The following BCAR3 variants were observed in gnomAD, a reference collection of about 807,000 sequenced individuals.
BCAR3 encodes breast cancer anti-estrogen resistance protein 3.
In BCAR3, 37 loss-of-function variants were observed where a neutral mutation model predicts 80.1. The ratio of observed to expected loss-of-function variants is 0.46; its 90% confidence interval spans 0.36 to 0.61. BCAR3 has a LOEUF of 0.61. Ranked by LOEUF, BCAR3 falls within the 20% of genes least tolerant of loss-of-function variation. The probability of loss-of-function intolerance (pLI) is 0.00; values close to 1 mark genes in which losing one functional copy is unlikely to be tolerated. For missense variants in BCAR3, 978 were observed against 1,068.2 expected (o/e 0.92, Z 1.18); for synonymous variants, 389 against 418.9 (o/e 0.93, Z 0.87).
At chr1:93,608,878 C>T (rs1674860393) in intron 3 of BCAR3, among the ~76,000 whole-genome samples, 1 of 152,234 alleles carries the variant, frequency 6.6e-6, no homozygotes, top group East Asian at 1.9e-4. Flanking sequence ...CTTGGAAAGA[C>T]ATTTCCTGCA....
intron 3 of BCAR3, among the ~76,000 whole-genome samples, chr1:93,631,273 T>C (rs923307893): frequency 2.0e-5 from 3 of 152,226 alleles, no homozygotes; most frequent in Admixed American, 2.0e-4. Context: ...TTAGGGCCCA[T>C]CCTTGTCAAA....
At chr1:93,651,582 C>G (rs530089896) in intron 2 of BCAR3, among the ~76,000 whole-genome samples, 2 of 152,248 alleles carry the variant, frequency 1.3e-5, no homozygotes, top group East Asian at 3.9e-4. Context: ...ACAGAGGAGA[C>G]TCAGCTAGGA....
At chr1:93,780,749 A>G (rs571005477) in intron 2 of BCAR3, among the ~76,000 whole-genome samples, 3 of 152,382 alleles carry the variant, frequency 2.0e-5, no homozygotes, top group Admixed American at 6.5e-5. Flanking sequence ...TTTTGTTAAA[A>G]GTGAACATAA....
At chr1:93,577,124 A>C (rs1303664471) in intron 7 of BCAR3, among the ~76,000 whole-genome samples, 2 of 152,216 alleles carry the variant, frequency 1.3e-5, no homozygotes, top group African/African-American at 4.8e-5. Flanking sequence ...ACTGTACTTA[A>C]GCCGGGGTGA....
intron 2 of BCAR3, among the ~76,000 whole-genome samples, chr1:93,813,012 T>C (rs1236246408): frequency 6.6e-6 from 1 of 152,184 alleles, no homozygotes; most frequent in Non-Finnish European, 1.5e-5. Flanking sequence ...CCAGCAGTCT[T>C]ACCTTTTGGA....
chr1:93,673,364 A>G (rs915725720), intron 2 of BCAR3, among the ~76,000 whole-genome samples: 1 of 152,252 alleles, frequency 6.6e-6, no homozygotes, highest in African/African-American at 2.4e-5. Context: ...AATGTTTTCA[A>G]TGCTGGACCA....
At chr1:93,684,885 A>C (rs1648919575), upstream of BCAR3, among the ~76,000 whole-genome samples, 1 of 152,124 alleles carries the variant, frequency 6.6e-6, no homozygotes, top group South Asian at 2.1e-4. Flanking sequence ...ACGTGCCAGC[A>C]TGCCCAGCTA....
intron 2 of BCAR3, among the ~76,000 whole-genome samples, chr1:93,774,561 A>T (rs1034291744): frequency 1.3e-5 from 2 of 151,968 alleles, no homozygotes; most frequent in Non-Finnish European, 2.9e-5. Flanking sequence ...TTGAAGCTGT[A>T]AAGGAGGCCC....
chr1:93,729,138 G>A (rs1650697879), intron 2 of BCAR3, among the ~76,000 whole-genome samples: 1 of 152,118 alleles, frequency 6.6e-6, no homozygotes, highest in Non-Finnish European at 1.5e-5. Flanking sequence ...GCAGTTTATT[G>A]GGGAATGCTC....
chr1:93,815,551 G>A (rs993008405), intron 2 of BCAR3, among the ~76,000 whole-genome samples: 1 of 152,216 alleles, frequency 6.6e-6, no homozygotes, highest in East Asian at 1.9e-4. Context: ...TAAAGCTGGC[G>A]CTGCAGATTA....
At chr1:93,621,595 G>C (rs1180020599) in intron 3 of BCAR3, among the ~76,000 whole-genome samples, 1 of 152,150 alleles carries the variant, frequency 6.6e-6, no homozygotes, top group African/African-American at 2.4e-5. Flanking sequence ...AAGAGGAGGG[G>C]ATAGATAGCC....
intron 2 of BCAR3, among the ~76,000 whole-genome samples, chr1:93,749,593 A>AAG (rs200162289): frequency 0.11 from 16,800 of 150,020 alleles, 1,329 homozygotes; most frequent in African/African-American, 0.21. Context: ...CGTCAAAAAA[A>AAG]AAAAAAAAAA....
At chr1:93,574,132 C>G (rs372095832) in intron 8 of BCAR3, among the ~76,000 whole-genome samples, 2 of 151,974 alleles carry the variant, frequency 1.3e-5, no homozygotes, top group Non-Finnish European at 2.9e-5. Context: ...TATCCATTCA[C>G]TCAACCAATA....
intron 2 of BCAR3, among the ~76,000 whole-genome samples, chr1:93,672,427 A>G (rs771516836): frequency 7.9e-5 from 12 of 152,016 alleles, no homozygotes; most frequent in Non-Finnish European, 1.2e-4. Context: ...TGTCTAGTAC[A>G]TGGTAGACAT....
chr1:93,730,500 C>T (rs183774679), intron 2 of BCAR3, among the ~76,000 whole-genome samples: 1 of 152,346 alleles, frequency 6.6e-6, no homozygotes, highest in East Asian at 1.9e-4. Flanking sequence ...CCTTGCTAAA[C>T]ATTTTTGAAT....
At chr1:93,567,584 A>C in intron 10 of BCAR3, 93 bp from the exon 11 acceptor site, 1 of 1,464,930 alleles carries the variant, frequency 6.8e-7, no homozygotes, top group Non-Finnish European at 9.4e-7. Context: ...TGTTACAGCA[A>C]CTGCAGCCTT....
At chr1:93,740,384 C>G (rs1314138331) in intron 2 of BCAR3, among the ~76,000 whole-genome samples, 1 of 152,198 alleles carries the variant, frequency 6.6e-6, no homozygotes. Context: ...TTTAACTGCA[C>G]AGAGAGCAGC....
chr1:93,599,922 C>A (rs1022109728), intron 3 of BCAR3, among the ~76,000 whole-genome samples: 8 of 152,150 alleles, frequency 5.3e-5, no homozygotes, highest in African/African-American at 9.7e-5. Flanking sequence ...GATTACTGTT[C>A]TTTTCTCCTA....
intron 4 of BCAR3, among the ~76,000 whole-genome samples, chr1:93,591,168 T>TAAAAAAAAAA (rs35143036): frequency 6.0e-5 from 4 of 66,326 alleles, no homozygotes; most frequent in African/African-American, 8.4e-5. Context: ...TCTACTACAT[T>TAAAAAAAAAA]AAAAAAAAAA....
Sources: allele counts gnomAD v4.1 joint callset (sites outside exome capture counted in the v4.1 genomes callset), GRCh38; gene constraint gnomAD v4.1.1; transcripts MANE v1.5; gene names NCBI Gene and HGNC (gene_info 2026-07-23, HGNC 2026-07-21).